ROR1: variants seen among roughly 807,000 people sequenced by gnomAD.
ROR1 encodes inactive tyrosine-protein kinase transmembrane receptor ROR1.
In ROR1, 19 loss-of-function variants were observed where a neutral mutation model predicts 78.8. The ratio of observed to expected loss-of-function variants is 0.24; its 90% confidence interval spans 0.17 to 0.35. The LOEUF is 0.35. Ranked by LOEUF, ROR1 falls within the 10% of genes least tolerant of loss-of-function variation. The pLI is 1.00. For synonymous variants in ROR1, 386 were observed against 433.6 expected, an observed-to-expected ratio of 0.89 and a Z score of 1.36; for missense variants, 917 against 1,177.8, an observed-to-expected ratio of 0.78 and a Z score of 3.24.
At chr1:64,028,094 C>A (rs1646628842) in intron 2 of ROR1, among the ~76,000 whole-genome samples, 1 of 152,106 alleles carries the variant, frequency 6.6e-6, no homozygotes, top group South Asian at 2.1e-4. Flanking sequence ...TGGAGAACTG[C>A]CTCTCTTCTC....
chr1:63,973,000 A>G (rs1036919766), intron 1 of ROR1, among the ~76,000 whole-genome samples: 1 of 152,200 alleles, frequency 6.6e-6, no homozygotes, highest in African/African-American at 2.4e-5. Flanking sequence ...AGTGGTGCCC[A>G]CGCTTCTGAG....
At chr1:64,174,880 C>G (rs766674306) in intron 8 of ROR1, among the ~76,000 whole-genome samples, 5 of 152,040 alleles carry the variant, frequency 3.3e-5, no homozygotes, top group Non-Finnish European at 5.9e-5. Flanking sequence ...ACCTTGCTCT[C>G]TCAAAGGAAT....
At chr1:64,122,180 T>G (rs1648564065) in intron 4 of ROR1, among the ~76,000 whole-genome samples, 1 of 152,318 alleles carries the variant, frequency 6.6e-6, no homozygotes, top group Non-Finnish European at 1.5e-5. Flanking sequence ...GTGAGCTAGC[T>G]TATGAGTCAG....
rs112423773 is a variant in ROR1, at chr1:64,014,713, C to CTATATATATATATA, written c.163+5338_163+5351dup. Among the ~76,000 whole-genome samples the CTATATATATATATA allele has an allele frequency of 6.8e-5, 2 of 29,318 alleles. 1 individual carries two copies. The highest frequency in any genetic ancestry group is 1.8e-4 in the Non-Finnish European group (2 of 11,374). The allele number at this position is 29,318 out of a possible 152,430, so 19.2% of individuals were successfully genotyped here. A position where few individuals can be genotyped will look rare whatever the true frequency, so the allele number is the denominator to read the frequency against. On this transcript the variant is annotated intron_variant, in intron 2 of 8. Transcript: ENST00000371079. Reference sequence around the variant, plus strand: ...GCAAATAGTTCTCTGTGCTGACAGACTATATATATATATACACATACGCAC... The same window carrying CTATATATATATATA: ...GCAAATAGTTCTCTGTGCTGACAGACTATATATATATATATATATATATATATACACATACGCAC...
chr1:63,896,229 T>C (rs80039766), intron 1 of ROR1, among the ~76,000 whole-genome samples: 2,215 of 152,324 alleles, frequency 0.015, 57 homozygotes, highest in African/African-American at 0.051. Flanking sequence ...AATATAAATA[T>C]ACCCTTTCTG....
intron 1 of ROR1, among the ~76,000 whole-genome samples, chr1:63,919,457 G>A (rs1281083475): frequency 6.9e-6 from 1 of 145,172 alleles, no homozygotes; most frequent in Non-Finnish European, 1.5e-5. Context: ...TAAAGGTAGA[G>A]TTTTCCTATG....
intron 1 of ROR1, among the ~76,000 whole-genome samples, chr1:63,885,731 C>A (rs761640893): frequency 4.3e-4 from 65 of 152,084 alleles, no homozygotes; most frequent in Middle Eastern, 3.2e-3. Flanking sequence ...CCCAGAGATG[C>A]CCTTGGGTAT....
At chr1:64,163,210 C>T (rs1449644731) in intron 8 of ROR1, among the ~76,000 whole-genome samples, 4 of 140,028 alleles carry the variant, frequency 2.9e-5, no homozygotes, top group Non-Finnish European at 6.1e-5. Context: ...ATGGGGAAAC[C>T]CCATCTCTAC....
intron 1 of ROR1, among the ~76,000 whole-genome samples, chr1:63,853,231 C>G (rs1645125316): frequency 6.6e-6 from 1 of 152,132 alleles, no homozygotes; most frequent in Non-Finnish European, 1.5e-5. Flanking sequence ...TGTGGTATGC[C>G]TGGTGATGTA....
rs1644885927 is a variant in ROR1, at chr1:63,815,478, C to CTTTTCTTTTTTTTT, written c.91+40974_91+40975insCTTTTTTTTTTTTT. Reference sequence around the variant, plus strand: ...TTTTCTTTTTCTTTTCTTTTCTTTTCTTTTTCTTTTTTTTTTTTTTTTGAG... The same window carrying CTTTTCTTTTTTTTT: ...TTTTCTTTTTCTTTTCTTTTCTTTTCTTTTCTTTTTTTTTTTTTTCTTTTTTTTTTTTTTTTGAG... On this transcript the variant is annotated intron_variant, in intron 1 of 8. Coordinates refer to ENST00000371079, the MANE Select transcript of ROR1 (RefSeq NM_005012.4). Among the ~76,000 whole-genome samples, 14 of 103,454 alleles carry CTTTTCTTTTTTTTT rather than the reference C, an allele frequency of 1.4e-4. No homozygotes were observed. In the South Asian group the frequency reaches 4.3e-3, roughly 32 times the overall value. 67.9% of individuals were successfully genotyped at this position (103,454 alleles called of 152,430 possible).
At chr1:63,810,835 G>A (rs1191171625) in intron 1 of ROR1, among the ~76,000 whole-genome samples, 2 of 152,184 alleles carry the variant, frequency 1.3e-5, no homozygotes, top group African/African-American at 4.8e-5. Context: ...ATGCTTGCTA[G>A]TCTACAAATC....
intron 1 of ROR1, among the ~76,000 whole-genome samples, chr1:63,974,503 C>T (rs181756993): frequency 6.8e-4 from 103 of 151,720 alleles, no homozygotes; most frequent in Non-Finnish European, 1.2e-3. Flanking sequence ...AGTGCAGTGG[C>T]GCAATCTCAG....
chr1:63,997,721 G>A (rs542526136), intron 1 of ROR1, among the ~76,000 whole-genome samples: 1 of 152,054 alleles, frequency 6.6e-6, no homozygotes, highest in East Asian at 1.9e-4. Flanking sequence ...AGAGACAGGG[G>A]TCGAAAAATC....
chr1:63,981,299 C>A (rs185746140), intron 1 of ROR1, among the ~76,000 whole-genome samples: 1 of 152,084 alleles, frequency 6.6e-6, no homozygotes, highest in African/African-American at 2.4e-5. Context: ...TAACAGCCTC[C>A]TCAGCTCCTG....
intron 1 of ROR1, among the ~76,000 whole-genome samples, chr1:64,004,514 G>A (rs575022615): frequency 1.3e-5 from 2 of 152,192 alleles, no homozygotes; most frequent in Non-Finnish European, 2.9e-5. Flanking sequence ...AGGCAGTGGG[G>A]TAGCCACTTG....
At chr1:64,105,448 T>C (rs1397609499) in intron 4 of ROR1, 1 of 152,234 alleles carries the variant, frequency 6.6e-6, no homozygotes, top group Non-Finnish European at 1.5e-5. Flanking sequence ...GTGCAGAAGC[T>C]CTTTAGTTTA....
At chr1:64,036,480 C>A (rs1646703444) in intron 2 of ROR1, among the ~76,000 whole-genome samples, 1 of 152,196 alleles carries the variant, frequency 6.6e-6, no homozygotes. Context: ...CCAGAATATA[C>A]TCCCATCATG....
At chr1:64,158,413 C>G (rs76008216) in intron 7 of ROR1, among the ~76,000 whole-genome samples, 65 of 152,368 alleles carry the variant, frequency 4.3e-4, no homozygotes, top group African/African-American at 1.5e-3. Context: ...AAAGATCAAA[C>G]TGACCCTGAC....
chr1:63,855,300 A>C (rs1391779045), intron 1 of ROR1, among the ~76,000 whole-genome samples: 1 of 152,188 alleles, frequency 6.6e-6, no homozygotes, highest in Non-Finnish European at 1.5e-5. Context: ...TTTGATTTTC[A>C]AATACCTTAT....
Sources: gnomAD v4.1 joint callset for allele counts (sites outside exome capture counted in the v4.1 genomes callset) on GRCh38, gnomAD v4.1.1 for gene constraint, MANE v1.5 for transcripts, NCBI Gene and HGNC (gene_info 2026-07-23, HGNC 2026-07-21) for gene names.